SAMD4A: variants seen among roughly 807,000 people sequenced by gnomAD.
The protein encoded by SAMD4A is protein Smaug homolog 1.
SAMD4A carries 33 observed loss-of-function variants against 81.3 expected under a neutral mutation model. The observed-to-expected ratio is 0.41, with a 90% CI of 0.31 to 0.54. SAMD4A has a LOEUF of 0.54. Among genes scored for constraint, SAMD4A ranks in the 20% least tolerant of loss-of-function variants. The pLI is 0.37. For missense variants in SAMD4A, 854 were observed against 951.1 expected (o/e 0.90, Z 1.34); for synonymous variants, 389 against 382.1 (o/e 1.02, Z -0.21).
intron 8 of SAMD4A, among the ~76,000 whole-genome samples, chr14:54,766,301 G>C (rs538846838): frequency 1.3e-5 from 2 of 151,976 alleles, no homozygotes; most frequent in African/African-American, 2.4e-5. Flanking sequence ...GTTACAACTC[G>C]TCCATTCCCT....
At chr14:54,602,168 A>G (rs1022114751) in intron 2 of SAMD4A, among the ~76,000 whole-genome samples, 1 of 152,216 alleles carries the variant, frequency 6.6e-6, no homozygotes, top group Non-Finnish European at 1.5e-5. Flanking sequence ...TGTGGAATCA[A>G]TGCCCTTTTA....
intron 3 of SAMD4A, among the ~76,000 whole-genome samples, chr14:54,704,700 C>T (rs1394409348): frequency 6.6e-6 from 1 of 152,184 alleles, no homozygotes; most frequent in East Asian, 1.9e-4. Context: ...GGCATCGGAG[C>T]CCTCTTCCAG....
chr14:54,706,960 G>A (rs368592564), intron 3 of SAMD4A, among the ~76,000 whole-genome samples: 1 of 152,206 alleles, frequency 6.6e-6, no homozygotes, highest in African/African-American at 2.4e-5. Context: ...CATCTGACAA[G>A]TGCAGAGTCA....
At chr14:54,765,581 C>T (rs2038516971) in intron 8 of SAMD4A, among the ~76,000 whole-genome samples, 2 of 151,930 alleles carry the variant, frequency 1.3e-5, no homozygotes, top group South Asian at 4.2e-4. Context: ...GAGCTATGAT[C>T]CTATCACTGC....
chr14:54,721,793 T>G (rs897879673), intron 3 of SAMD4A, among the ~76,000 whole-genome samples: 1 of 152,188 alleles, frequency 6.6e-6, no homozygotes, highest in Non-Finnish European at 1.5e-5. Flanking sequence ...CCCTGAAGTT[T>G]TTTTGAGGCT....
intron 12 of SAMD4A, among the ~76,000 whole-genome samples, chr14:54,788,512 C>CT (rs968078249): frequency 4.6e-5 from 7 of 152,228 alleles, no homozygotes; most frequent in Non-Finnish European, 7.3e-5. Context: ...ACAAAAGTCA[C>CT]TTTGTATCTC....
intron 2 of SAMD4A, among the ~76,000 whole-genome samples, chr14:54,685,282 C>CTG (rs1555343068): frequency 3.6e-5 from 5 of 139,734 alleles, no homozygotes; most frequent in Admixed American, 7.2e-5. Flanking sequence ...CTGCCCCCCC[C>CTG]CCCAGCTCCT....
chr14:54,568,053 A>G lies in SAMD4A; in HGVS notation c.137A>G (p.Glu46Gly). The change falls in exon 2 of 13, where the codon GAG becomes GGG. Residue 46 changes from glutamate (E) to glycine (G), a missense_variant. Around this residue, in one of 3 missense-constraint regions of SAMD4A, gnomAD observed 387 missense variants for 405.8 expected, o/e 0.95. Transcript: ENST00000554335. The part of the protein sequence containing the change: ...TQARFLQLCL[E>G]HSLADCAELH... ...GCCCGCTTCCTCCAGCTCTGCCTGGAGCACTCGCTGGCCGACTGCGCCGAG... is the reference window on the plus strand; with the variant it reads ...GCCCGCTTCCTCCAGCTCTGCCTGGGGCACTCGCTGGCCGACTGCGCCGAG... 1 of 1,596,386 alleles carries G rather than the reference A, an allele frequency of 6.3e-7. No individual in the cohort carries two copies. Among genetic ancestry groups the G allele is most frequent in the Non-Finnish European group, 8.5e-7 (1 of 1,177,124 alleles).
At chr14:54,649,623 C>T (rs908525424) in intron 2 of SAMD4A, among the ~76,000 whole-genome samples, 12 of 152,114 alleles carry the variant, frequency 7.9e-5, no homozygotes, top group Non-Finnish European at 1.3e-4. Flanking sequence ...GGTGCCTGCT[C>T]CTTGTGCATG....
chr14:54,748,127 G>A (rs1161558940), intron 4 of SAMD4A, among the ~76,000 whole-genome samples: 6 of 152,258 alleles, frequency 3.9e-5, no homozygotes, highest in South Asian at 2.1e-4. Flanking sequence ...AGATGCATCC[G>A]GATACATTCC....
At chr14:54,596,727 AG>A (rs1382747562) in intron 2 of SAMD4A, among the ~76,000 whole-genome samples, 12 of 152,230 alleles carry the variant, frequency 7.9e-5, no homozygotes, top group Non-Finnish European at 1.5e-4. Context: ...TTCTCTCCTC[AG>A]GGTCCTGCTG....
At chr14:54,766,023 C>T (rs735123) in intron 8 of SAMD4A, among the ~76,000 whole-genome samples, 55,162 of 151,990 alleles carry the variant, frequency 0.36, 11,650 homozygotes, top group African/African-American at 0.59. Context: ...GGCTCAGACA[C>T]GCCATCCTCT....
intron 2 of SAMD4A, among the ~76,000 whole-genome samples, chr14:54,658,571 C>T (rs559035192): frequency 6.6e-6 from 1 of 152,340 alleles, no homozygotes; most frequent in South Asian, 2.1e-4. Flanking sequence ...TGACATCCTG[C>T]TCCAAGTAGC....
chr14:54,754,563 A>G (rs1594899438), intron 6 of SAMD4A, among the ~76,000 whole-genome samples: 1 of 151,328 alleles, frequency 6.6e-6, no homozygotes, highest in Admixed American at 6.6e-5. Context: ...CTTCTCTGGA[A>G]CCCCTACCTC....
At chr14:54,736,414 G>A (rs1326680861) in intron 3 of SAMD4A, among the ~76,000 whole-genome samples, 1 of 152,182 alleles carries the variant, frequency 6.6e-6, no homozygotes, top group African/African-American at 2.4e-5. Flanking sequence ...ACAGGTAGCT[G>A]CAGTGCCCCA....
intron 4 of SAMD4A, among the ~76,000 whole-genome samples, chr14:54,737,551 T>TG (rs2037730107): frequency 7.0e-6 from 1 of 142,390 alleles, no homozygotes; most frequent in Non-Finnish European, 1.5e-5. Context: ...TCTTTTTTTT[T>TG]TTTTTTTTTT....
At chr14:54,726,343 C>G (rs1330005930) in intron 3 of SAMD4A, among the ~76,000 whole-genome samples, 1 of 152,048 alleles carries the variant, frequency 6.6e-6, no homozygotes, top group Non-Finnish European at 1.5e-5. Context: ...GATTGGAACC[C>G]TGGTTCAAAA....
chr14:54,686,130 G>C (rs1294020081), intron 2 of SAMD4A, among the ~76,000 whole-genome samples: 4 of 152,216 alleles, frequency 2.6e-5, no homozygotes, highest in Admixed American at 2.6e-4. Flanking sequence ...AGAAAGAAGG[G>C]ATGCCTTTAG....
At chr14:54,754,770 G>C (rs892446539) in intron 6 of SAMD4A, 2 of 960,336 alleles carry the variant, frequency 2.1e-6, no homozygotes, top group African/African-American at 3.5e-5. Context: ...CTGGGGCCCC[G>C]CCCATAGTTA....
Sources: allele counts gnomAD v4.1 joint callset (sites outside exome capture counted in the v4.1 genomes callset), GRCh38; gene constraint gnomAD v4.1.1; regional missense constraint gnomAD v4.1.1; transcripts MANE v1.5; gene names NCBI Gene and HGNC (gene_info 2026-07-23, HGNC 2026-07-21).